ZNF45: variants seen among roughly 807,000 people sequenced by gnomAD.
The protein encoded by ZNF45 is zinc finger protein 45.
ZNF45 carries 4 observed loss-of-function variants against 12.0 expected under a neutral mutation model. The ratio of observed to expected loss-of-function variants is 0.33; its 90% confidence interval spans 0.16 to 0.76. The LOEUF (loss-of-function observed/expected upper bound fraction) is 0.76. ZNF45 is among the 30% of genes least tolerant of loss of function. The probability of loss-of-function intolerance (pLI) is 0.60; values close to 1 mark genes in which losing one functional copy is unlikely to be tolerated. For synonymous variants in ZNF45, 272 were observed against 279.6 expected, an observed-to-expected ratio of 0.97 and a Z score of 0.27; for missense variants, 700 against 813.0, an observed-to-expected ratio of 0.86 and a Z score of 1.69.
chr19:43,921,117 C>T (rs960264349), intron 7 of ZNF45, among the ~76,000 whole-genome samples: 1 of 152,164 alleles, frequency 6.6e-6, no homozygotes, highest in Non-Finnish European at 1.5e-5. Flanking sequence ...GTGGAGAATT[C>T]TTTTTCTTTG....
chr19:43,922,889 A>T (rs1175062890), intron 6 of ZNF45, among the ~76,000 whole-genome samples: 1 of 144,562 alleles, frequency 6.9e-6, no homozygotes, highest in East Asian at 2.1e-4. Context: ...GCAGTGGCAC[A>T]ATCATGACTC....
At chr19:43,922,822 T>G (rs1038551421) in intron 6 of ZNF45, among the ~76,000 whole-genome samples, 8 of 52,358 alleles carry the variant, frequency 1.5e-4, no homozygotes, top group African/African-American at 4.4e-4. Flanking sequence ...AATTCTTTGT[T>G]TTTTTTTTTT....
At chr19:43,920,545 G>GT (rs1291702593) in intron 7 of ZNF45, among the ~76,000 whole-genome samples, 1 of 127,606 alleles carries the variant, frequency 7.8e-6, no homozygotes, top group Non-Finnish European at 1.7e-5. Context: ...TGGGGGGGGG[G>GT]GGCAGTGGGC....
intron 7 of ZNF45, among the ~76,000 whole-genome samples, chr19:43,921,819 A>T (rs904606519): frequency 6.6e-6 from 1 of 152,246 alleles, no homozygotes; most frequent in African/African-American, 2.4e-5. Flanking sequence ...GAAAAGATGT[A>T]ACTTGAACAT....
rs771783253 is a variant in ZNF45 at position 43,913,612 on chromosome 19, T to C, written c.1824A>G (p.Gly608=). ...YLQAHQRVHT[G]ERPYKCEECG... ...ATTCCTCACATTTGTATGGTCTCTC[T>C]CCTGTGTGGACCCTCTGGTGGGCTT... The change falls in exon 10 of 10, where the codon GGA becomes GGG. Residue 608 remains glycine, a synonymous_variant. Coordinates refer to ENST00000269973, the MANE Select transcript of ZNF45 (RefSeq NM_003425.4). The C allele has an allele frequency of 2.3e-5, 37 of 1,614,050 alleles. No individual in the cohort carries two copies. The South Asian group carries it at 4.0e-4, about 17-fold the overall frequency.
rs772320682 is a variant in ZNF45 at position 43,918,881 on chromosome 19, T to C, written c.224A>G (p.Asp75Gly). The change falls in exon 9 of 10, where the codon GAT becomes GGT. Residue 75 changes from aspartate (D) to glycine (G), a missense_variant. Transcript: ENST00000269973. ...CAGCCCCTCCTCACCTGAGGAGTTA[T>C]CTCTCTGGGTTGCCATCTTCATCAT... is the stretch of plus-strand genomic sequence containing the variant. ...LWMMKMATQR[D>G]NSSGAKNLKE... The C allele has an allele frequency of 4.3e-6, 7 of 1,614,048 alleles. No individual in the cohort carries two copies. In the South Asian group the frequency reaches 5.5e-5, roughly 13 times the overall value.
At chr19:43,920,942 T>C (rs566500561) in intron 7 of ZNF45, among the ~76,000 whole-genome samples, 1 of 152,252 alleles carries the variant, frequency 6.6e-6, no homozygotes, top group Admixed American at 6.5e-5. Context: ...TGAAGACTGT[T>C]CATCCCTGGA....
At chr19:43,923,448 G>A (rs964430881) in intron 6 of ZNF45, among the ~76,000 whole-genome samples, 1 of 152,004 alleles carries the variant, frequency 6.6e-6, no homozygotes, top group Admixed American at 6.6e-5. Flanking sequence ...CTCTTACTGT[G>A]CCTAATTTAT....
chr19:43,923,049 C>T (rs181732970), intron 6 of ZNF45, among the ~76,000 whole-genome samples: 2 of 152,166 alleles, frequency 1.3e-5, no homozygotes, highest in Admixed American at 1.3e-4. Flanking sequence ...CAGTCTCAAA[C>T]TCCTGAGCTC....
chr19:43,923,169 C>T (rs931512895), intron 6 of ZNF45, among the ~76,000 whole-genome samples: 2 of 152,094 alleles, frequency 1.3e-5, no homozygotes, highest in African/African-American at 2.4e-5. Context: ...ACTTTAACCT[C>T]GCCTTTAACC....
At position 43,925,475 on chromosome 19, in the gene ZNF45, C is replaced by T. The variant is rs966094265; in HGVS notation, c.-399-17G>A. 10 of 152,014 alleles carry T rather than the reference C, an allele frequency of 6.6e-5. No individual in the cohort carries two copies. Among genetic ancestry groups the T allele is most frequent in the East Asian group, 1.9e-4 (1 of 5,192 alleles). 9.4% of individuals were successfully genotyped at this position (152,014 alleles called of 1,614,324 possible). A position where few individuals can be genotyped will look rare whatever the true frequency, so the allele number is the denominator to read the frequency against. On this transcript the variant is annotated splice_polypyrimidine_tract_variant and intron_variant, in intron 3 of 9. Transcript: ENST00000269973. ...ATTCTGATTCTATGGAGGGTGGAAA[C>T]GAGTAAAATACCCAGATTAAAAGCT... is the stretch of plus-strand genomic sequence containing the variant.
At chr19:43,932,889 T>A (rs1003214901) in intron 2 of ZNF45, among the ~76,000 whole-genome samples, 199 bp from the exon 3 acceptor site, 3 of 152,196 alleles carry the variant, frequency 2.0e-5, no homozygotes, top group African/African-American at 7.2e-5. Flanking sequence ...GAATTGTGTG[T>A]GCCTCTCTCA....
chr19:43,914,970 T>C lies in ZNF45; in HGVS notation c.466A>G (p.Arg156Gly). The change falls in exon 10 of 10, where the codon AGA (arginine) becomes GGA (glycine). Residue 156 changes from arginine (R) to glycine (G), a missense_variant. Coordinates refer to ENST00000269973, the MANE Select transcript of ZNF45 (RefSeq NM_003425.4). ...SNQSSHLQVH[R>G]VHTGEKPYKG... is the part of the protein sequence containing the mutation. ...TAGGGTTTTTCACCAGTGTGGACTC[T>C]GTGAACTTGAAGATGGGAACTCTGA... is the stretch of plus-strand genomic sequence containing the variant. 2 of 1,605,920 alleles carry C rather than the reference T, an allele frequency of 1.2e-6. No individual in the cohort carries two copies. Among genetic ancestry groups the C allele is most frequent in the East Asian group, 2.2e-5 (1 of 44,670 alleles).
In ZNF45 at chr19:43,913,505, T is replaced by G. The variant is rs199739895; in HGVS notation, c.1931A>C (p.Glu644Ala). The G allele has an allele frequency of 6.0e-5, 97 of 1,613,702 alleles. No homozygotes were observed. Among genetic ancestry groups the G allele is most frequent in the South Asian group, 5.6e-4 (51 of 91,032 alleles). The change falls in exon 10 of 10, where the codon GAG (glutamate) becomes GCG (alanine). Residue 644 changes from glutamate to alanine, a missense_variant. Physicochemically the swap from Glu to Ala is moderately radical, Grantham distance 107. Coordinates refer to ENST00000269973, the MANE Select transcript of ZNF45 (RefSeq NM_003425.4). Reference protein sequence around the residue: ...HTGEKPYKCEECGKGFSWSSS... With the variant: ...HTGEKPYKCEACGKGFSWSSS... The stretch of plus-strand genomic sequence containing the variant: ...GCTCCAACTGAAGCCCTTCCCACAC[T>G]CCTCACATTTGTATGGTTTTTCTCC...
chr19:43,917,493 TA>T (rs1387316566), intron 9 of ZNF45, among the ~76,000 whole-genome samples: 3 of 119,448 alleles, frequency 2.5e-5, no homozygotes, highest in Non-Finnish European at 4.0e-5. Context: ...TATTTTTATT[TA>T]TTTTTTTTGA....
intron 3 of ZNF45, chr19:43,931,244 T>C (rs1270880041): frequency 6.6e-6 from 1 of 152,146 alleles, no homozygotes; most frequent in Non-Finnish European, 1.5e-5. Context: ...CTTAAAAATA[T>C]ACCTTTGAGG....
At chr19:43,930,785 A>C (rs7255151) in intron 3 of ZNF45, among the ~76,000 whole-genome samples, 76,926 of 151,986 alleles carry the variant, frequency 0.51, 19,736 homozygotes, top group South Asian at 0.63. Flanking sequence ...TTTTTCTCAT[A>C]GCTACACTGA....
chr19:43,913,881 G>A lies in ZNF45; in HGVS notation c.1555C>T (p.Gln519Ter). 1 of 1,613,260 alleles carries A rather than the reference G, an allele frequency of 6.2e-7. No homozygotes were observed. The highest frequency in any genetic ancestry group is 8.5e-7 in the Non-Finnish European group (1 of 1,179,654). The change falls in exon 10 of 10, where the codon CAG becomes TAG. Residue 519 changes from glutamine to a stop codon, truncating the protein, a stop_gained. Coordinates refer to ENST00000269973, the MANE Select transcript of ZNF45 (RefSeq NM_003425.4). LOFTEE classifies it low-confidence loss of function (END_TRUNC). ...GGTTTCTCTCCAGTGTGAACTCTCT[G>A]ATGCACCTGAAGGCTGGAGAACTGA... ...FSQFSSLQVH[Q>*]RVHTGEKPYQ... is the part of the protein sequence containing the mutation.
chr19:43,930,854 A>T (rs1378605778), intron 3 of ZNF45, among the ~76,000 whole-genome samples: 1 of 152,060 alleles, frequency 6.6e-6, no homozygotes, highest in South Asian at 2.1e-4. Flanking sequence ...TTAACCCAAC[A>T]TATCCAAAGT....
Sources: allele counts gnomAD v4.1 joint callset (sites outside exome capture counted in the v4.1 genomes callset), GRCh38; gene constraint gnomAD v4.1.1; transcripts MANE v1.5; gene names NCBI Gene and HGNC (gene_info 2026-07-23, HGNC 2026-07-21).